The following NEGR1 variants were observed in gnomAD, a reference collection of about 807,000 sequenced individuals.
The protein encoded by NEGR1 is IgLON family member 4.
NEGR1 carries 10 observed loss-of-function variants against 40.9 expected under a neutral mutation model. That is an observed-to-expected ratio of 0.24 (90% CI 0.15 to 0.42). The LOEUF (loss-of-function observed/expected upper bound fraction) is 0.42, where lower values mean the gene tolerates loss of function less well. Ranked by LOEUF, NEGR1 falls within the 10% of genes least tolerant of loss-of-function variation. The probability of loss-of-function intolerance (pLI) is 1.00; values close to 1 mark genes in which losing one functional copy is unlikely to be tolerated. For missense variants in NEGR1, 352 were observed against 438.9 expected (o/e 0.80, Z 1.77); for synonymous variants, 185 against 166.8 (o/e 1.11, Z -0.84).
intron 1 of NEGR1, among the ~76,000 whole-genome samples, chr1:72,225,983 G>C (rs1169763258): frequency 6.6e-6 from 1 of 151,724 alleles, no homozygotes; most frequent in Non-Finnish European, 1.5e-5. Flanking sequence ...GCAGGAAAAA[G>C]TATGTCGTAG....
intron 4 of NEGR1, among the ~76,000 whole-genome samples, chr1:71,696,294 A>C (rs1653471831): frequency 6.6e-6 from 1 of 151,770 alleles, no homozygotes; most frequent in African/African-American, 2.4e-5. Flanking sequence ...CTAAAGTCAG[A>C]AGAATAAAAA....
At chr1:71,536,176 G>C (rs1452930561) in intron 6 of NEGR1, among the ~76,000 whole-genome samples, 1 of 151,664 alleles carries the variant, frequency 6.6e-6, no homozygotes, top group Non-Finnish European at 1.5e-5. Context: ...TGTAGACATT[G>C]ATTTTTTCCA....
intron 6 of NEGR1, among the ~76,000 whole-genome samples, chr1:71,589,628 T>G (rs1649432877): frequency 6.6e-6 from 1 of 152,138 alleles, no homozygotes; most frequent in Admixed American, 6.6e-5. Flanking sequence ...TTAGCAGTTA[T>G]CTAGATCCTT....
chr1:72,168,166 G>C (rs1415434361), intron 1 of NEGR1, among the ~76,000 whole-genome samples: 2 of 151,764 alleles, frequency 1.3e-5, no homozygotes, highest in Non-Finnish European at 2.9e-5. Flanking sequence ...GGCATGTGCT[G>C]CCACACCCAG....
At chr1:71,581,324 T>C (rs372012661) in intron 6 of NEGR1, among the ~76,000 whole-genome samples, 2 of 152,094 alleles carry the variant, frequency 1.3e-5, no homozygotes, top group East Asian at 3.9e-4. Flanking sequence ...TGAATATTAA[T>C]AGGGATTAAA....
At chr1:71,628,274 T>C (rs1325025879) in intron 4 of NEGR1, among the ~76,000 whole-genome samples, 5 of 152,006 alleles carry the variant, frequency 3.3e-5, no homozygotes, top group African/African-American at 1.2e-4. Flanking sequence ...CATAAACTTA[T>C]GTATTTCCCT....
At chr1:72,074,057 C>A (rs981743066) in intron 1 of NEGR1, among the ~76,000 whole-genome samples, 1 of 151,934 alleles carries the variant, frequency 6.6e-6, no homozygotes, top group Admixed American at 6.6e-5. Flanking sequence ...ATTTTATCAC[C>A]TCTGAAATTA....
chr1:71,691,880 T>C (rs1005770349), intron 4 of NEGR1, among the ~76,000 whole-genome samples: 2 of 151,636 alleles, frequency 1.3e-5, no homozygotes, highest in African/African-American at 2.4e-5. Context: ...TCTTTTTTTT[T>C]TTTTAATTTT....
At chr1:72,227,548 A>T (rs1419022528) in intron 1 of NEGR1, among the ~76,000 whole-genome samples, 1 of 152,076 alleles carries the variant, frequency 6.6e-6, no homozygotes, top group African/African-American at 2.4e-5. Context: ...TATTACCAGG[A>T]GTAAGAGAGT....
chr1:71,965,319 G>A (rs886517741), intron 1 of NEGR1, among the ~76,000 whole-genome samples: 3 of 152,128 alleles, frequency 2.0e-5, no homozygotes, highest in Non-Finnish European at 2.9e-5. Context: ...ACAAGACACT[G>A]CATGTCTATA....
intron 2 of NEGR1, among the ~76,000 whole-genome samples, chr1:71,882,601 C>T (rs1000999478): frequency 1.3e-5 from 2 of 151,688 alleles, no homozygotes; most frequent in Non-Finnish European, 2.9e-5. Context: ...AAAAATTAAA[C>T]AGACACTGTG....
At chr1:71,732,216 G>C (rs963936006) in intron 3 of NEGR1, among the ~76,000 whole-genome samples, 1 of 152,050 alleles carries the variant, frequency 6.6e-6, no homozygotes, top group African/African-American at 2.4e-5. Flanking sequence ...ACTGAGGTGG[G>C]AGAATCGCTT....
At chr1:71,876,091 C>G (rs185330759) in intron 2 of NEGR1, among the ~76,000 whole-genome samples, 37 of 152,206 alleles carry the variant, frequency 2.4e-4, no homozygotes, top group Admixed American at 2.3e-3. Context: ...CTAATGAAGA[C>G]GAGGAGCTCG....
At chr1:72,100,789 G>A (rs1203862796) in intron 1 of NEGR1, 1 of 152,160 alleles carries the variant, frequency 6.6e-6, no homozygotes. Flanking sequence ...CCACAGATTG[G>A]GTGGCTTAAC....
At chr1:72,034,108 A>C (rs538030780) in intron 1 of NEGR1, among the ~76,000 whole-genome samples, 2 of 152,358 alleles carry the variant, frequency 1.3e-5, no homozygotes, top group East Asian at 3.9e-4. Flanking sequence ...TACAGCAGCC[A>C]TGTAGCACAA....
At chr1:71,475,170 A>G (rs890978658) in intron 6 of NEGR1, among the ~76,000 whole-genome samples, 1 of 152,076 alleles carries the variant, frequency 6.6e-6, no homozygotes, top group Non-Finnish European at 1.5e-5. Context: ...ATTAACATTC[A>G]TTAAGCCTGA....
At chr1:72,088,132 CTAAT>C (rs1329404594) in intron 1 of NEGR1, among the ~76,000 whole-genome samples, 4 of 152,218 alleles carry the variant, frequency 2.6e-5, no homozygotes, top group African/African-American at 9.6e-5. Context: ...TCTTTGATGG[CTAAT>C]TAAATTAATT....
At chr1:72,158,344 C>T (rs1040789710) in intron 1 of NEGR1, among the ~76,000 whole-genome samples, 2 of 152,168 alleles carry the variant, frequency 1.3e-5, no homozygotes, top group African/African-American at 2.4e-5. Flanking sequence ...GGAATTGTTC[C>T]TTTTAGTGTA....
chr1:71,947,283 C>G (rs1156564911), intron 1 of NEGR1, among the ~76,000 whole-genome samples: 11 of 151,476 alleles, frequency 7.3e-5, no homozygotes, highest in South Asian at 4.2e-4. Context: ...AATGGCAAAA[C>G]TTTTTACTTA....
Sources: gnomAD v4.1 joint callset for allele counts (sites outside exome capture counted in the v4.1 genomes callset) on GRCh38, gnomAD v4.1.1 for gene constraint, MANE v1.5 for transcripts, NCBI Gene and HGNC (gene_info 2026-07-23, HGNC 2026-07-21) for gene names.